Variants in GLI2 observed in about 807,000 individuals in gnomAD.
GLI2 encodes GLI family zinc finger 2.
In GLI2, 22 loss-of-function variants were observed where a neutral mutation model predicts 78.9. The observed-to-expected ratio is 0.28, with a 90% CI of 0.20 to 0.40. GLI2 has a LOEUF of 0.40. GLI2 is among the 10% of genes least tolerant of loss of function. GLI2 has a pLI of 1.00. For synonymous variants in GLI2, 974 were observed against 963.7 expected, an observed-to-expected ratio of 1.01 and a Z score of -0.20; for missense variants, 2,097 against 2,213.2, an observed-to-expected ratio of 0.95 and a Z score of 1.05.
At chr2:120,766,208 C>T (rs151206286) in intron 1 of GLI2, among the ~76,000 whole-genome samples, 15 of 152,344 alleles carry the variant, frequency 9.8e-5, no homozygotes, top group African/African-American at 3.6e-4. Flanking sequence ...GCCTTCGGTC[C>T]AGCTGTGGCG....
chr2:120,898,315 G>A (rs963969386), intron 2 of GLI2, among the ~76,000 whole-genome samples: 4 of 151,942 alleles, frequency 2.6e-5, no homozygotes, highest in African/African-American at 7.3e-5. Context: ...AAATATCTCT[G>A]TAAACATGTG....
chr2:120,778,366 G>A (rs1269646852), intron 1 of GLI2, among the ~76,000 whole-genome samples: 1 of 152,132 alleles, frequency 6.6e-6, no homozygotes, highest in African/African-American at 2.4e-5. Flanking sequence ...GTGACTCAGA[G>A]TGCTCCCATC....
intron 2 of GLI2, among the ~76,000 whole-genome samples, chr2:120,816,201 T>C (rs1685485411): frequency 6.6e-6 from 1 of 151,190 alleles, no homozygotes; most frequent in South Asian, 2.1e-4. Flanking sequence ...GCTTTTTTTT[T>C]TTTTTTTGAG....
intron 2 of GLI2, among the ~76,000 whole-genome samples, chr2:120,855,135 C>T (rs1052577079): frequency 6.6e-6 from 1 of 152,244 alleles, no homozygotes; most frequent in Non-Finnish European, 1.5e-5. Flanking sequence ...ACCCACCAGA[C>T]ATGCAAACTC....
chr2:120,792,710 C>T (rs976458081), intron 1 of GLI2, among the ~76,000 whole-genome samples: 1 of 152,216 alleles, frequency 6.6e-6, no homozygotes, highest in African/African-American at 2.4e-5. Flanking sequence ...GCAACCTCCA[C>T]CTCCCAGGTC....
chr2:120,948,310 T>C (rs1039527739), intron 3 of GLI2, among the ~76,000 whole-genome samples: 1 of 152,114 alleles, frequency 6.6e-6, no homozygotes, highest in Admixed American at 6.5e-5. Flanking sequence ...GAGGATATAG[T>C]CCAGGCATCC....
chr2:120,740,437 T>TG (rs1682495664), intron 1 of GLI2, among the ~76,000 whole-genome samples: 1 of 147,598 alleles, frequency 6.8e-6, no homozygotes, highest in African/African-American at 2.5e-5. Flanking sequence ...GTGTGTTGTT[T>TG]AAAAAAAAAA....
intron 8 of GLI2, chr2:120,972,799 C>A: frequency 2.2e-6 from 1 of 457,738 alleles, no homozygotes; most frequent in South Asian, 1.5e-5. Context: ...GCCCACAGCC[C>A]AGTGCAGGCC....
At position 120,765,622 on chromosome 2, in the gene GLI2, C is replaced by A. The variant is rs182892360; in HGVS notation, c.-31+29337C>A. ...GGGGTGTGCCTGAACCTTTCCCCTG[C>A]CTGCCAGTGACACCTTGGAGCTGAC... On this transcript the variant is annotated intron_variant, in intron 1 of 13. Transcript: ENST00000361492. Among the ~76,000 whole-genome samples the A allele has an allele frequency of 1.1e-4, 17 of 152,358 alleles. No individual in the cohort carries two copies. In the East Asian group the frequency reaches 3.3e-3, roughly 29 times the overall value.
intron 2 of GLI2, among the ~76,000 whole-genome samples, chr2:120,900,912 C>T (rs967885821): frequency 4.6e-5 from 7 of 152,194 alleles, no homozygotes; most frequent in Non-Finnish European, 2.9e-5. Context: ...TTCCTTTGCA[C>T]TTTTCAAGAA....
chr2:120,857,051 TG>T (rs1189465438), intron 2 of GLI2, among the ~76,000 whole-genome samples: 1 of 152,104 alleles, frequency 6.6e-6, no homozygotes, highest in Non-Finnish European at 1.5e-5. Flanking sequence ...CCATGCCTTT[TG>T]GCCATGCTAG....
At chr2:120,893,408 C>T (rs952360980) in intron 2 of GLI2, among the ~76,000 whole-genome samples, 1 of 152,162 alleles carries the variant, frequency 6.6e-6, no homozygotes, top group African/African-American at 2.4e-5. Flanking sequence ...CCCCAGCCCC[C>T]GCTGGCCCTG....
At chr2:120,903,606 A>C (rs1678369696) in intron 2 of GLI2, among the ~76,000 whole-genome samples, 1 of 152,204 alleles carries the variant, frequency 6.6e-6, no homozygotes, top group Admixed American at 6.5e-5. Flanking sequence ...AGGCTCTTGG[A>C]GTCAGACTTA....
rs5833855 is a variant in GLI2 at position 120,830,983 on chromosome 2, C to CTT, written c.148+33528_148+33529dup. On this transcript the variant is annotated intron_variant, in intron 2 of 13. Coordinates refer to ENST00000361492, the MANE Select transcript of GLI2 (RefSeq NM_001374353.1). Reference sequence around the variant, plus strand: ...TCTGCCTCCGTATCTCTCTCTGTCTCTTTTTTTTTTTTTTGCCTGTTTGGT... The same window carrying CTT: ...TCTGCCTCCGTATCTCTCTCTGTCTCTTTTTTTTTTTTTTTTGCCTGTTTGGT... Among the ~76,000 whole-genome samples the CTT allele has an allele frequency of 7.2e-4, 99 of 138,058 alleles. 1 individual carries two copies. The highest frequency in any genetic ancestry group is 1.1e-3 in the Non-Finnish European group (69 of 63,742). 90.6% of individuals were successfully genotyped at this position (138,058 alleles called of 152,430 possible). A position where few individuals can be genotyped will look rare whatever the true frequency, so the allele number is the denominator to read the frequency against.
At chr2:120,817,960 C>T (rs563022592) in intron 2 of GLI2, among the ~76,000 whole-genome samples, 5 of 152,370 alleles carry the variant, frequency 3.3e-5, no homozygotes, top group African/African-American at 1.2e-4. Flanking sequence ...TGCCATTACA[C>T]ATGAGGCCCA....
chr2:120,988,056 AAG>A (rs1444815520), intron 13 of GLI2, 150 bp from the exon 14 acceptor site: 1 of 657,382 alleles, frequency 1.5e-6, no homozygotes, highest in East Asian at 3.1e-5. Flanking sequence ...TGTCTCTAAA[AAG>A]AGAAAGAGAG....
In GLI2 at chr2:120,951,339, C is replaced by T. The variant is rs1558908673; in HGVS notation, c.351C>T (p.Ala117=). The change falls in exon 4 of 14, where the codon GCC becomes GCT. Residue 117 remains alanine, a synonymous_variant. Transcript: ENST00000361492. ...PAGPGESPFN[A]PHPYVNPHME... ...GCCCTGGGGAGTCCCCCTTCAACGC[C>T]CCCCACCCGTACGTGAACCCCCACA... The T allele has an allele frequency of 5.7e-6, 9 of 1,581,062 alleles. No homozygotes were observed. Among genetic ancestry groups the T allele is most frequent in the Non-Finnish European group, 7.8e-6 (9 of 1,149,996 alleles).
intron 5 of GLI2, among the ~76,000 whole-genome samples, chr2:120,967,516 C>G (rs1195610079): frequency 6.6e-6 from 1 of 152,190 alleles, no homozygotes; most frequent in Non-Finnish European, 1.5e-5. Flanking sequence ...TCTGGAACCA[C>G]AGTGGAAGAG....
intron 2 of GLI2, among the ~76,000 whole-genome samples, chr2:120,845,828 T>G (rs1009927229): frequency 6.6e-6 from 1 of 152,228 alleles, no homozygotes; most frequent in Non-Finnish European, 1.5e-5. Context: ...GTGGTAGTAT[T>G]ATGTAGATAT....
Sources: gnomAD v4.1 joint callset for allele counts (sites outside exome capture counted in the v4.1 genomes callset) on GRCh38, gnomAD v4.1.1 for gene constraint, MANE v1.5 for transcripts, NCBI Gene and HGNC (gene_info 2026-07-23, HGNC 2026-07-21) for gene names.